SCIN: variants seen among roughly 807,000 people sequenced by gnomAD.
SCIN encodes the protein scinderin.
A neutral mutation model predicts 91.8 loss-of-function variants in SCIN; 91 were observed. The ratio of observed to expected loss-of-function variants is 0.99; its 90% CI spans 0.84 to 1.18. The LOEUF (loss-of-function observed/expected upper bound fraction) is 1.18, where lower values mean the gene tolerates loss of function less well. SCIN is among the 50% of genes most tolerant of loss of function. The pLI is 0.00. For missense variants in SCIN, 1,087 were observed against 863.9 expected (o/e 1.26, Z -3.24); for synonymous variants, 367 against 312.6 (o/e 1.17, Z -1.84).
chr7:12,634,485 C>A (rs1194588201), intron 9 of SCIN, among the ~76,000 whole-genome samples: 1 of 96,002 alleles, frequency 1.0e-5, no homozygotes, highest in Non-Finnish European at 2.1e-5. Flanking sequence ...AACTCCATCT[C>A]CAAAAAAAAA....
At chr7:12,649,684 G>GT (rs1784041073) in intron 14 of SCIN, 140 bp downstream of exon 14, 2 of 461,472 alleles carry the variant, frequency 4.3e-6, no homozygotes, top group Middle Eastern at 4.1e-4. Context: ...CACACATTTG[G>GT]TAAAAAATGA....
chr7:12,599,370 AGT>A (rs10659954), intron 3 of SCIN, among the ~76,000 whole-genome samples: 4,376 of 149,196 alleles, frequency 0.029, 70 homozygotes, highest in African/African-American at 0.051. Flanking sequence ...TTTCATGGTG[AGT>A]GTGTGTGTGT....
At chr7:12,625,946 G>C (rs559727767) in intron 7 of SCIN, 96 bp downstream of exon 7, 2 of 756,024 alleles carry the variant, frequency 2.6e-6, no homozygotes, top group Admixed American at 2.7e-5. Context: ...TCAAAGTAAC[G>C]TCTGTATGTG....
chr7:12,643,334 C>T (rs1014002666), intron 11 of SCIN, among the ~76,000 whole-genome samples: 5 of 152,174 alleles, frequency 3.3e-5, no homozygotes, highest in Admixed American at 2.0e-4. Context: ...GCACAGGTCT[C>T]TTGTCAGCTT....
At chr7:12,592,723 A>G (rs1782751864) in intron 3 of SCIN, among the ~76,000 whole-genome samples, 1 of 151,722 alleles carries the variant, frequency 6.6e-6, no homozygotes, top group Non-Finnish European at 1.5e-5. Context: ...ATGGCATCAA[A>G]CAGGGAACAA....
chr7:12,583,424 C>A (rs1036218430), intron 3 of SCIN, among the ~76,000 whole-genome samples: 4 of 152,192 alleles, frequency 2.6e-5, no homozygotes, highest in Non-Finnish European at 4.4e-5. Context: ...ATGTGCAAGT[C>A]ACTCCACATT....
chr7:12,629,685 C>A (rs1783603560), intron 9 of SCIN, among the ~76,000 whole-genome samples: 1 of 152,090 alleles, frequency 6.6e-6, no homozygotes, highest in African/African-American at 2.4e-5. Context: ...ATTCTTGTTT[C>A]CATTAAATTC....
intron 4 of SCIN, among the ~76,000 whole-genome samples, chr7:12,609,030 G>A (rs1469827169): frequency 6.6e-6 from 1 of 152,134 alleles, no homozygotes; most frequent in Admixed American, 6.6e-5. Context: ...TCTTTAGTTT[G>A]AAGTATTTCA....
At chr7:12,601,038 A>G (rs1217476982) in intron 3 of SCIN, among the ~76,000 whole-genome samples, 2 of 152,244 alleles carry the variant, frequency 1.3e-5, no homozygotes, top group African/African-American at 4.8e-5. Context: ...TCTTTTAGAA[A>G]TAGGAAAGAA....
In SCIN at chr7:12,593,403, C is replaced by T. The variant is rs545384292; in HGVS notation, c.517-11111C>T. ...ATCTTCAGCCTTTTTAAGTTTGTGC[C>T]GGATGTCAGGGGCAGATTGGGAAAT... is the stretch of plus-strand genomic sequence containing the variant. On this transcript the variant is annotated intron_variant, in intron 3 of 15. Coordinates refer to ENST00000297029, the MANE Select transcript of SCIN (RefSeq NM_001112706.3). Among the ~76,000 whole-genome samples, 25 of 152,010 alleles carry T rather than the reference C, an allele frequency of 1.6e-4. No individual in the cohort carries two copies. In the South Asian group the frequency reaches 2.7e-3, roughly 16 times the overall value.
chr7:12,643,437 T>G (rs1783895089), intron 11 of SCIN, among the ~76,000 whole-genome samples: 1 of 152,226 alleles, frequency 6.6e-6, no homozygotes, highest in African/African-American at 2.4e-5. Context: ...GTTCCTGTAA[T>G]TCTCCATAAT....
intron 4 of SCIN, among the ~76,000 whole-genome samples, chr7:12,611,962 G>A (rs1562614752): frequency 6.6e-6 from 1 of 151,624 alleles, no homozygotes; most frequent in Non-Finnish European, 1.5e-5. Flanking sequence ...TGCTTTATGG[G>A]TTTGTAATAC....
chr7:12,623,884 A>C (rs957433076), intron 5 of SCIN, among the ~76,000 whole-genome samples: 4 of 152,186 alleles, frequency 2.6e-5, no homozygotes, highest in Non-Finnish European at 5.9e-5. Context: ...TGGTAATTTT[A>C]ATATGAGCCA....
At chr7:12,647,001 C>T (rs1783978154) in intron 13 of SCIN, among the ~76,000 whole-genome samples, 1 of 141,980 alleles carries the variant, frequency 7.0e-6, no homozygotes. Flanking sequence ...TCAGAAAAAT[C>T]TGCTGTTTTA....
intron 1 of SCIN, among the ~76,000 whole-genome samples, chr7:12,573,595 C>G (rs56339047): frequency 0.042 from 6,420 of 152,092 alleles, 390 homozygotes; most frequent in African/African-American, 0.13. Flanking sequence ...TGCATTAGCC[C>G]TTCTTTAAAA....
intron 3 of SCIN, among the ~76,000 whole-genome samples, chr7:12,600,412 G>A (rs4721123): frequency 0.016 from 2,430 of 152,268 alleles, 24 homozygotes; most frequent in Middle Eastern, 0.027. Flanking sequence ...AACTGCTCGG[G>A]TGATGGGAGC....
rs370597401 is a variant in SCIN, at chr7:12,584,875, C to T, written c.516+3654C>T. On this transcript the variant is annotated intron_variant, in intron 3 of 15. Coordinates refer to ENST00000297029, the MANE Select transcript of SCIN (RefSeq NM_001112706.3). ...TGTGAATGATAGTGGAAGAAAAGCC[C>T]ATATTCTTAAGATTTGGAGTCTGGG... 4.7e-4 allele frequency among the ~76,000 whole-genome samples: 72 copies of T among 152,146 alleles called. 1 individual carries two copies. The highest frequency in any genetic ancestry group is 1.6e-3 in the African/African-American group (68 of 41,514).
intron 3 of SCIN, among the ~76,000 whole-genome samples, chr7:12,583,810 A>G (rs1583276935): frequency 2.0e-5 from 3 of 152,132 alleles, no homozygotes. Context: ...CAGAGTCTCT[A>G]TTATAAGGTT....
chr7:12,626,792 A>C lies in SCIN; in HGVS notation c.1190A>C (p.Lys397Thr), dbSNP rs1783534377. 1 of 1,606,074 alleles carries C rather than the reference A, an allele frequency of 6.2e-7. No individual in the cohort carries two copies. The highest frequency in any genetic ancestry group is 1.7e-4 in the Middle Eastern group (1 of 6,054). The change falls in exon 8 of 16, where the codon AAA becomes ACA. Residue 397 changes from lysine (K) to threonine (T), a missense_variant. Coordinates refer to ENST00000297029, the MANE Select transcript of SCIN (RefSeq NM_001112706.3). ...AATATGGTGGATGATGGTTCTGGCAAAGTGGAGGTATTTACCTGTTTTTGT... is the reference window on the plus strand; with the variant it reads ...AATATGGTGGATGATGGTTCTGGCACAGTGGAGGTATTTACCTGTTTTTGT... ...QHNMVDDGSG[K>T]VEIWRVENNG...
Sources: gnomAD v4.1 joint callset for allele counts (sites outside exome capture counted in the v4.1 genomes callset) on GRCh38, gnomAD v4.1.1 for gene constraint, MANE v1.5 for transcripts, NCBI Gene and HGNC (gene_info 2026-07-23, HGNC 2026-07-21) for gene names.